Variants in OGA observed in about 807,000 individuals in gnomAD.
The protein encoded by OGA is protein O-GlcNAcase.
OGA carries 21 observed loss-of-function variants against 102.0 expected under a neutral mutation model. The observed-to-expected ratio is 0.21, with a 90% CI of 0.15 to 0.30. The LOEUF (loss-of-function observed/expected upper bound fraction) is 0.30, where lower values mean the gene tolerates loss of function less well. OGA is among the 10% of genes least tolerant of loss of function. OGA has a pLI of 1.00. For missense variants in OGA, 765 were observed against 1,107.8 expected (o/e 0.69, Z 4.39); for synonymous variants, 408 against 378.2 (o/e 1.08, Z -0.91).
At chr10:101,792,693 G>A in intron 12 of OGA, 146 bp downstream of exon 12, 1 of 596,314 alleles carries the variant, frequency 1.7e-6, no homozygotes, top group South Asian at 2.5e-5. Flanking sequence ...AATTTCTCAA[G>A]ATACACTGAA....
At chr10:101,795,879 G>T in intron 10 of OGA, 1 of 975,844 alleles carries the variant, frequency 1.0e-6, no homozygotes, top group Non-Finnish European at 1.2e-6. Context: ...CCACAGGCTG[G>T]ACAAGCTTGC....
At chr10:101,797,130 T>TA (rs2135047999) in intron 10 of OGA, 2 of 152,096 alleles carry the variant, frequency 1.3e-5, no homozygotes, top group East Asian at 3.9e-4. Context: ...GTGTTTCAGA[T>TA]ATCTATTTCA....
intron 4 of OGA, among the ~76,000 whole-genome samples, chr10:101,809,591 G>GT (rs2065523552): frequency 6.6e-6 from 1 of 151,060 alleles, no homozygotes; most frequent in African/African-American, 2.4e-5. Flanking sequence ...TGGTGTGCCT[G>GT]TAACAGCTAC....
Position 101,807,907 on chromosome 10 carries a change from AG to A in OGA, c.481-7del. On this transcript the variant is annotated splice_polypyrimidine_tract_variant and splice_region_variant and intron_variant, in intron 4 of 15. Coordinates refer to ENST00000361464, the MANE Select transcript of OGA (RefSeq NM_012215.5). ...CTGCACCCAAACTGAGAAACCTAGG[AG>A]AAAAAAAAAAAAAAGAATCAAGAGT... 11 of 1,489,126 alleles carry A rather than the reference AG, an allele frequency of 7.4e-6. No homozygotes were observed. The highest frequency in any genetic ancestry group is 8.0e-6 in the Non-Finnish European group (9 of 1,119,820). The allele number at this position is 1,489,126 out of a possible 1,614,324, so 92.2% of individuals were successfully genotyped here. A position where few individuals can be genotyped will look rare whatever the true frequency, so the allele number is the denominator to read the frequency against.
intron 10 of OGA, chr10:101,797,647 CAT>C (rs1326085969): frequency 1.8e-5 from 8 of 456,544 alleles, no homozygotes; most frequent in Non-Finnish European, 2.3e-5. Flanking sequence ...AGTCACATTT[CAT>C]AGTGTCTCAT....
rs755857937 is a variant in OGA, at chr10:101,817,923, C to A, written c.100G>T (p.Ala34Ser). Residue 34 changes from alanine (A) to serine (S), a missense_variant, in exon 1 of 16, where the codon GCT becomes TCT. Physicochemically the swap from Ala to Ser is moderately conservative, Grantham distance 99. Around this residue, in one of 7 missense-constraint regions of OGA, gnomAD observed 117 missense variants for 85.7 expected, o/e 1.36. Transcript: ENST00000361464. ...GGGTTGTCTTCTCCGGGTGCCGGAG[C>A]TGCCGGCGGCTCCAGCGATGCCCCC... ...SAGASLEPPA[A>S]PAPGEDNPAG... 1.9e-6 allele frequency: 3 copies of A among 1,581,492 alleles called. No individual in the cohort carries two copies. In the African/African-American group the frequency reaches 4.1e-5, roughly 21 times the overall value.
In OGA at chr10:101,800,180, T is replaced by C. The variant is rs543667380; in HGVS notation, c.1195+62A>G. On this transcript the variant is annotated intron_variant, in intron 8 of 15. Coordinates refer to ENST00000361464, the MANE Select transcript of OGA (RefSeq NM_012215.5). ...GAGCCACCACACCCGGGAGACAGTGTTCTTTACTTTGTGACTCAACTATGT... is the reference window on the plus strand; with the variant it reads ...GAGCCACCACACCCGGGAGACAGTGCTCTTTACTTTGTGACTCAACTATGT... 104 of 1,540,538 alleles carry C rather than the reference T, an allele frequency of 6.8e-5. 1 individual carries two copies. The highest frequency in any genetic ancestry group is 1.2e-5 in the Non-Finnish European group (13 of 1,121,074).
At chr10:101,815,988 A>AAAAAAAAAAAAC (rs1173460489) in intron 1 of OGA, among the ~76,000 whole-genome samples, 1 of 150,188 alleles carries the variant, frequency 6.7e-6, no homozygotes, top group Admixed American at 6.6e-5. Context: ...AAAAAAAAAA[A>AAAAAAAAAAAAC]AAGCCAGGCG....
intron 13 of OGA, 33 bp from the exon 14 acceptor site, chr10:101,791,121 T>C (rs1417214734): frequency 1.9e-6 from 3 of 1,564,046 alleles, no homozygotes; most frequent in East Asian, 2.2e-5. Context: ...CAGTAAACTT[T>C]TCAGTTGCTA....
chr10:101,794,332 T>C (rs2065291881), intron 10 of OGA, among the ~76,000 whole-genome samples: 1 of 152,192 alleles, frequency 6.6e-6, no homozygotes, highest in Non-Finnish European at 1.5e-5. Flanking sequence ...CATAAAATTA[T>C]AGTAACTATT....
intron 12 of OGA, 126 bp downstream of exon 12, chr10:101,792,713 G>T: frequency 1.6e-6 from 1 of 629,504 alleles, no homozygotes. Flanking sequence ...ATGTTTTAAT[G>T]AACTTTCTCC....
intron 5 of OGA, among the ~76,000 whole-genome samples, chr10:101,806,680 C>A (rs2065479017): frequency 6.6e-6 from 1 of 152,188 alleles, no homozygotes; most frequent in Admixed American, 6.5e-5. Context: ...ACAAGAACTG[C>A]AGCATTTTCT....
In OGA at chr10:101,785,774, T is replaced by C. The variant is rs1444670692; in HGVS notation, c.*677A>G. 1 of 152,470 alleles carries C rather than the reference T, an allele frequency of 6.6e-6. No individual in the cohort carries two copies. The highest frequency in any genetic ancestry group is 1.5e-5 in the Non-Finnish European group (1 of 68,036). 9.4% of individuals were successfully genotyped at this position (152,470 alleles called of 1,614,324 possible). On this transcript the variant is annotated 3_prime_UTR_variant, in exon 16 of 16. Transcript: ENST00000361464. The stretch of plus-strand genomic sequence containing the variant: ...ACACAAAGGATAGTCAGGTTACAGC[T>C]AGTTTATATACAAAGAAATTTACAA...
intron 6 of OGA, 67 bp from the exon 7 acceptor site, chr10:101,804,086 T>C (rs2065434254): frequency 6.9e-7 from 1 of 1,443,198 alleles, no homozygotes; most frequent in Non-Finnish European, 9.5e-7. Context: ...GGCTCATAAC[T>C]GTAATCCCAG....
chr10:101,798,838 T>G lies in OGA; in HGVS notation c.1809+4A>C, dbSNP rs766936377. 2 of 1,608,612 alleles carry G rather than the reference T, an allele frequency of 1.2e-6. No individual in the cohort carries two copies. Among genetic ancestry groups the G allele is most frequent in the East Asian group, 4.5e-5 (2 of 44,850 alleles). On this transcript the variant is annotated splice_donor_region_variant and intron_variant, in intron 9 of 15. Coordinates refer to ENST00000361464, the MANE Select transcript of OGA (RefSeq NM_012215.5). ...TCAGCAGCAGGTACATTAAACATACTCACTTTTTCAGAGTCTTTTCCTTTG... is the reference window on the plus strand; with the variant it reads ...TCAGCAGCAGGTACATTAAACATACGCACTTTTTCAGAGTCTTTTCCTTTG...
At chr10:101,812,296 C>T (rs374592044) in intron 3 of OGA, among the ~76,000 whole-genome samples, 1 of 152,242 alleles carries the variant, frequency 6.6e-6, no homozygotes, top group African/African-American at 2.4e-5. Context: ...AATCCCAGCA[C>T]TTTGGGAGGC....
chr10:101,805,919 G>A (rs2065466252), intron 6 of OGA, 126 bp downstream of exon 6: 2 of 616,338 alleles, frequency 3.2e-6, no homozygotes, highest in South Asian at 3.2e-5. Context: ...CATGCCACTG[G>A]ACTCCATCCT....
intron 10 of OGA, among the ~76,000 whole-genome samples, chr10:101,796,462 A>G (rs2065317883): frequency 6.6e-6 from 1 of 151,840 alleles, no homozygotes; most frequent in African/African-American, 2.4e-5. Context: ...GGGTTTCACC[A>G]TATTGGCCAG....
At chr10:101,789,058 G>C (rs1224513485) in intron 14 of OGA, among the ~76,000 whole-genome samples, 8 of 152,144 alleles carry the variant, frequency 5.3e-5, no homozygotes, top group Admixed American at 1.3e-4. Context: ...ATGCTGAAAA[G>C]TGTCAGATGT....
Sources: gnomAD v4.1 joint callset for allele counts (sites outside exome capture counted in the v4.1 genomes callset) on GRCh38, gnomAD v4.1.1 for gene constraint, gnomAD v4.1.1 regional missense constraint, MANE v1.5 for transcripts, NCBI Gene and HGNC (gene_info 2026-07-23, HGNC 2026-07-21) for gene names.